The following RPRD1B variants were observed in gnomAD, a reference collection of about 807,000 sequenced individuals.
The protein encoded by RPRD1B is regulation of nuclear pre-mRNA domain containing 1B, also known as regulation of nuclear pre-mRNA domain-containing protein 1B.
In RPRD1B, 11 loss-of-function variants were observed where a neutral mutation model predicts 41.5. The observed-to-expected ratio is 0.27, with a 90% CI of 0.17 to 0.44. The LOEUF (loss-of-function observed/expected upper bound fraction) is 0.44. RPRD1B is among the 20% of genes least tolerant of loss of function. The pLI, the probability that RPRD1B is intolerant of heterozygous loss-of-function variation, is 1.00. For missense variants in RPRD1B, 248 were observed against 389.9 expected (o/e 0.64, Z 3.06); for synonymous variants, 158 against 155.6 (o/e 1.02, Z -0.12).
At chr20:38,053,866 G>A (rs1056981870) in intron 3 of RPRD1B, among the ~76,000 whole-genome samples, 1 of 152,126 alleles carries the variant, frequency 6.6e-6, no homozygotes, top group African/African-American at 2.4e-5. Flanking sequence ...CAAAGTATAC[G>A]GAAGGATGTG....
At position 38,059,456 on chromosome 20, in the gene RPRD1B, C is replaced by G. The variant is rs772008978; in HGVS notation, c.591C>G (p.Val197=). The part of the protein sequence containing the change: ...LENAASGDAT[V]RQKIASLPQE... ...ATGCCGCATCAGGGGATGCTACTGT[C>G]CGACAGAAAATTGCTTCTCTGCCCC... The change falls in exon 5 of 7, where the codon GTC becomes GTG. Residue 197 remains valine (V), a synonymous_variant. Coordinates refer to ENST00000373433, the MANE Select transcript of RPRD1B (RefSeq NM_021215.4). 1.2e-6 allele frequency: 2 copies of G among 1,613,936 alleles called. No homozygotes were observed. Among genetic ancestry groups the G allele is most frequent in the African/African-American group, 2.7e-5 (2 of 75,020 alleles).
chr20:38,045,884 A>G (rs2074115696), intron 2 of RPRD1B, among the ~76,000 whole-genome samples: 1 of 152,226 alleles, frequency 6.6e-6, no homozygotes, highest in South Asian at 2.1e-4. Flanking sequence ...TTTCTAAGCT[A>G]TACATTTGCT....
rs1206265745 is a variant in RPRD1B at position 38,057,558 on chromosome 20, C to T, written c.442C>T (p.Arg148Ter). The part of the protein sequence containing the change: ...KATEEKKSLK[R>*]TFQQIQEEED... ...AACAGAAGAGAAGAAATCTCTGAAA[C>T]GAACTTTTCAGCAAATTCAGGAGGA... The change falls in exon 4 of 7, where the codon CGA (arginine) becomes TGA (stop). Residue 148 changes from arginine (R) to a stop codon, truncating the protein, a stop_gained. Coordinates refer to ENST00000373433, the MANE Select transcript of RPRD1B (RefSeq NM_021215.4). LOFTEE classifies it high-confidence loss of function. 1.9e-6 allele frequency: 3 copies of T among 1,613,930 alleles called. No individual in the cohort carries two copies. The highest frequency in any genetic ancestry group is 2.5e-6 in the Non-Finnish European group (3 of 1,179,816).
At chr20:38,065,544 T>G (rs190155475) in intron 5 of RPRD1B, among the ~76,000 whole-genome samples, 2 of 152,392 alleles carry the variant, frequency 1.3e-5, no homozygotes, top group East Asian at 3.8e-4. Context: ...TTACTTATCA[T>G]AGCTAATGCA....
chr20:38,046,480 T>C (rs1365445171), intron 2 of RPRD1B, among the ~76,000 whole-genome samples: 2 of 152,232 alleles, frequency 1.3e-5, no homozygotes, highest in African/African-American at 4.8e-5. Context: ...CTGTGGAAAT[T>C]ACATTCAAAT....
chr20:38,047,159 T>C (rs1446882913), intron 2 of RPRD1B, among the ~76,000 whole-genome samples: 2 of 152,216 alleles, frequency 1.3e-5, no homozygotes, highest in African/African-American at 2.4e-5. Flanking sequence ...TTTTAAGCTT[T>C]ATAAAATTAG....
rs769803161 is a variant in RPRD1B, at chr20:38,075,632, G to T, written c.831+9376G>T. Among the ~76,000 whole-genome samples, 52 of 152,228 alleles carry T rather than the reference G, an allele frequency of 3.4e-4. 1 individual carries two copies. The highest frequency in any genetic ancestry group is 3.3e-4 in the Admixed American group (5 of 15,286). On this transcript the variant is annotated intron_variant, in intron 6 of 6. Coordinates refer to ENST00000373433, the MANE Select transcript of RPRD1B (RefSeq NM_021215.4). The stretch of plus-strand genomic sequence containing the variant: ...GGGATTCTGAAGAAAGTTAAAATTG[G>T]ATTGTGGCATACTTTGCAATCTTGG...
At chr20:38,049,765 T>A (rs1227072093) in intron 3 of RPRD1B, 1 of 471,196 alleles carries the variant, frequency 2.1e-6, no homozygotes, top group Admixed American at 2.3e-5. Context: ...GTTTCTTAGC[T>A]ACAGATCTGA....
intron 6 of RPRD1B, chr20:38,070,167 T>C: frequency 1.0e-6 from 1 of 981,890 alleles, no homozygotes; most frequent in Non-Finnish European, 1.2e-6. Flanking sequence ...AGTAGAATTA[T>C]GCTTTATTCT....
intron 3 of RPRD1B, among the ~76,000 whole-genome samples, chr20:38,048,884 A>G (rs1464375677): frequency 6.6e-6 from 1 of 152,214 alleles, no homozygotes; most frequent in East Asian, 1.9e-4. Context: ...AACTTGATTT[A>G]ATTAAATGTA....
At chr20:38,082,456 G>A (rs1489628279) in intron 6 of RPRD1B, among the ~76,000 whole-genome samples, 1 of 152,002 alleles carries the variant, frequency 6.6e-6, no homozygotes, top group Admixed American at 6.6e-5. Flanking sequence ...GCGCCATCTC[G>A]GCTCAGTGCA....
chr20:38,079,080 A>G (rs986958194), intron 6 of RPRD1B, among the ~76,000 whole-genome samples: 7 of 152,276 alleles, frequency 4.6e-5, no homozygotes, highest in Admixed American at 3.9e-4. Context: ...TTTCTCCATC[A>G]GATCTGTCGA....
At chr20:38,040,754 A>T (rs944994762) in intron 2 of RPRD1B, among the ~76,000 whole-genome samples, 190 bp downstream of exon 2, 3 of 152,162 alleles carry the variant, frequency 2.0e-5, no homozygotes, top group Non-Finnish European at 4.4e-5. Context: ...ATTCTGATAC[A>T]TTTGAGAGAT....
chr20:38,034,133 C>G, intron 1 of RPRD1B, 35 bp downstream of exon 1: 1 of 1,597,028 alleles, frequency 6.3e-7, no homozygotes, highest in Non-Finnish European at 8.5e-7. Context: ...GGACGGTCCC[C>G]GGATTGTCCT....
intron 6 of RPRD1B, among the ~76,000 whole-genome samples, chr20:38,073,354 TG>T (rs1480520842): frequency 6.6e-6 from 1 of 152,196 alleles, no homozygotes; most frequent in Non-Finnish European, 1.5e-5. Flanking sequence ...TTAAAGCTGC[TG>T]GTGTTTCTCC....
intron 3 of RPRD1B, among the ~76,000 whole-genome samples, chr20:38,049,456 C>T (rs1368716951): frequency 2.7e-5 from 4 of 147,492 alleles, no homozygotes; most frequent in East Asian, 2.0e-4. Context: ...CTGCAACCTC[C>T]GCCTCCCGGG....
At chr20:38,064,599 T>G (rs907300407) in intron 5 of RPRD1B, among the ~76,000 whole-genome samples, 2 of 152,226 alleles carry the variant, frequency 1.3e-5, no homozygotes, top group African/African-American at 4.8e-5. Context: ...TTATATCAGT[T>G]CTTTGTAAAT....
intron 6 of RPRD1B, among the ~76,000 whole-genome samples, chr20:38,071,665 G>A (rs530305915): frequency 3.9e-5 from 6 of 152,274 alleles, no homozygotes; most frequent in African/African-American, 4.8e-5. Flanking sequence ...AGCAATGTGC[G>A]TGGGTTCCAG....
intron 6 of RPRD1B, among the ~76,000 whole-genome samples, chr20:38,067,319 T>C (rs1013726398): frequency 2.0e-5 from 3 of 152,144 alleles, no homozygotes; most frequent in Admixed American, 6.5e-5. Flanking sequence ...TTAAGAGATA[T>C]GGAAAAGAGT....
Sources: gnomAD v4.1 joint callset for allele counts (sites outside exome capture counted in the v4.1 genomes callset) on GRCh38, gnomAD v4.1.1 for gene constraint, MANE v1.5 for transcripts, NCBI Gene and HGNC (gene_info 2026-07-23, HGNC 2026-07-21) for gene names.